The following TYR variants were observed in gnomAD, a reference collection of about 807,000 sequenced individuals.
The protein encoded by TYR is tyrosinase.
A neutral mutation model predicts 51.5 loss-of-function variants in TYR; 58 were observed. The ratio of observed to expected loss-of-function variants is 1.13; its 90% CI spans 0.91 to 1.40. The LOEUF (loss-of-function observed/expected upper bound fraction) is 1.40. TYR is among the 40% of genes most tolerant of loss of function. The pLI is 0.00. For missense variants in TYR, 732 were observed against 647.4 expected (o/e 1.13, Z -1.42); for synonymous variants, 263 against 235.2 (o/e 1.12, Z -1.08).
chr11:89,246,349 A>G (rs752029057), intron 3 of TYR, among the ~76,000 whole-genome samples: 1 of 152,184 alleles, frequency 6.6e-6, no homozygotes, highest in East Asian at 1.9e-4. Flanking sequence ...GGCAGTAATA[A>G]TACTACTTTC....
At chr11:89,239,586 C>G (rs539769513) in intron 3 of TYR, among the ~76,000 whole-genome samples, 1 of 152,006 alleles carries the variant, frequency 6.6e-6, no homozygotes, top group South Asian at 2.1e-4. Flanking sequence ...CTTCTGTTAA[C>G]TTTAGGCATA....
chr11:89,220,201 G>A (rs1313074345), intron 2 of TYR, among the ~76,000 whole-genome samples: 1 of 152,124 alleles, frequency 6.6e-6, no homozygotes. Context: ...GAAGCACAGT[G>A]CTGACATCTG....
At chr11:89,279,950 C>G (rs1428604178) in intron 3 of TYR, among the ~76,000 whole-genome samples, 1 of 151,648 alleles carries the variant, frequency 6.6e-6, no homozygotes, top group Non-Finnish European at 1.5e-5. Flanking sequence ...ATATATTTCT[C>G]TCCATTTATT....
chr11:89,186,604 T>A (rs1370016367), intron 1 of TYR, among the ~76,000 whole-genome samples: 2 of 152,106 alleles, frequency 1.3e-5, no homozygotes, highest in African/African-American at 2.4e-5. Context: ...TGGGTGTTGA[T>A]CCCATGATTT....
At chr11:89,198,457 G>A (rs764970324) in intron 2 of TYR, among the ~76,000 whole-genome samples, 12 of 151,918 alleles carry the variant, frequency 7.9e-5, no homozygotes, top group Non-Finnish European at 1.0e-4. Context: ...GCCAGACCAG[G>A]AAAACCTTTC....
At chr11:89,287,373 A>T (rs1944801716) in intron 4 of TYR, among the ~76,000 whole-genome samples, 1 of 151,874 alleles carries the variant, frequency 6.6e-6, no homozygotes, top group Admixed American at 6.6e-5. Context: ...GTATTCTATC[A>T]CACCAGGTTT....
At chr11:89,261,078 C>T (rs1234046209) in intron 3 of TYR, among the ~76,000 whole-genome samples, 2 of 152,086 alleles carry the variant, frequency 1.3e-5, no homozygotes, top group Non-Finnish European at 2.9e-5. Context: ...TTCTATGAAA[C>T]CAGCCCCTGG....
At position 89,254,949 on chromosome 11, in the gene TYR, G is replaced by A. The variant is rs183337350; in HGVS notation, c.1184+26979G>A. 3.0e-3 allele frequency among the ~76,000 whole-genome samples: 451 copies of A among 151,490 alleles called. 1 individual carries two copies. The highest frequency in any genetic ancestry group is 0.01 in the African/African-American group (420 of 41,468). ...CTTTTTCAGACTTTTTGATGTTAAA[G>A]GTTGTAAACCTTCCTCTTAGCATCA... On this transcript the variant is annotated intron_variant, in intron 3 of 4. Coordinates refer to ENST00000263321, the MANE Select transcript of TYR (RefSeq NM_000372.5).
chr11:89,238,314 G>A (rs1441100003), intron 3 of TYR, among the ~76,000 whole-genome samples: 1 of 151,940 alleles, frequency 6.6e-6, no homozygotes, highest in Non-Finnish European at 1.5e-5. Flanking sequence ...TATTTAGTAA[G>A]TACAATGTGA....
chr11:89,222,680 A>G lies in TYR; in HGVS notation c.1037-5143A>G, dbSNP rs555402407. Among the ~76,000 whole-genome samples, 117 of 152,294 alleles carry G rather than the reference A, an allele frequency of 7.7e-4. 1 individual carries two copies. The highest frequency in any genetic ancestry group is 3.4e-3 in the Middle Eastern group (1 of 294). On this transcript the variant is annotated intron_variant, in intron 2 of 4. Coordinates refer to ENST00000263321, the MANE Select transcript of TYR (RefSeq NM_000372.5). The stretch of plus-strand genomic sequence containing the variant: ...CTTGAACCCAGGAGGTGGAGGTTGC[A>G]GAAAGCTGAGATCACACCACTGCAC...
Position 89,234,475 on chromosome 11 carries a change from G to A in TYR, c.1184+6505G>A, listed in dbSNP as rs960695006. On this transcript the variant is annotated intron_variant, in intron 3 of 4. Coordinates refer to ENST00000263321, the MANE Select transcript of TYR (RefSeq NM_000372.5). ...TGCAACTTGACTAACTTTTGCACAA[G>A]AGGCCTAGCTTTCAGCCTACGTGAG... Among the ~76,000 whole-genome samples, 2 of 143,608 alleles carry A rather than the reference G, an allele frequency of 1.4e-5. 1 individual carries two copies. The highest frequency in any genetic ancestry group is 5.5e-5 in the African/African-American group (2 of 36,346). The allele number at this position is 143,608 out of a possible 152,430, so 94.2% of individuals were successfully genotyped here. A position where few individuals can be genotyped will look rare whatever the true frequency, so the allele number is the denominator to read the frequency against.
At chr11:89,189,875 C>T (rs1943419627) in intron 1 of TYR, among the ~76,000 whole-genome samples, 1 of 151,998 alleles carries the variant, frequency 6.6e-6, no homozygotes, top group Admixed American at 6.6e-5. Context: ...CAGTAGTATG[C>T]CACACAATGG....
In TYR at chr11:89,218,148, G is replaced by A. The variant is rs371824765; in HGVS notation, c.1037-9675G>A. On this transcript the variant is annotated intron_variant, in intron 2 of 4. Transcript: ENST00000263321. ...AGAGGCCTATAACATAAAAACATAA[G>A]GGTTAAATTCAAAGCCATCGTCAAT... 7.9e-5 allele frequency among the ~76,000 whole-genome samples: 12 copies of A among 151,992 alleles called. 1 individual carries two copies. The highest frequency in any genetic ancestry group is 6.6e-4 in the Admixed American group (10 of 15,244).
intron 1 of TYR, among the ~76,000 whole-genome samples, 171 bp downstream of exon 1, chr11:89,178,943 C>A (rs1369468856): frequency 1.3e-5 from 2 of 152,076 alleles, no homozygotes; most frequent in Admixed American, 6.6e-5. Context: ...TTATAGCACA[C>A]TTTAGATATT....
intron 1 of TYR, among the ~76,000 whole-genome samples, chr11:89,180,001 T>A (rs1943280096): frequency 6.6e-6 from 1 of 152,112 alleles, no homozygotes; most frequent in African/African-American, 2.4e-5. Flanking sequence ...AGTTTTGAAA[T>A]GTAGATGGCC....
rs185622695 is a variant in TYR, at chr11:89,274,483, T to C, written c.1185-10290T>C. ...TGTAGAACTAATGGCTTCTGCTCTG[T>C]GCAAGTATAATGGCCACAACTAACC... On this transcript the variant is annotated intron_variant, in intron 3 of 4. Transcript: ENST00000263321. Among the ~76,000 whole-genome samples, 68 of 151,992 alleles carry C rather than the reference T, an allele frequency of 4.5e-4. 1 individual carries two copies. In the East Asian group the frequency reaches 0.013, roughly 30 times the overall value.
At chr11:89,240,957 C>T (rs1334316620) in intron 3 of TYR, among the ~76,000 whole-genome samples, 1 of 152,060 alleles carries the variant, frequency 6.6e-6, no homozygotes. Context: ...AACTTTCTGG[C>T]GTGGATATGG....
rs372123800 is a variant in TYR, at chr11:89,178,526, A to G, written c.573A>G (p.Gly191=). 49 of 1,614,042 alleles carry G rather than the reference A, an allele frequency of 3.0e-5. No individual in the cohort carries two copies. In the African/African-American group the frequency reaches 6.1e-4, roughly 20 times the overall value. The change falls in exon 1 of 5, where the codon GGA becomes GGG. Residue 191 remains glycine (G), a synonymous_variant. Transcript: ENST00000263321. ...TGTCAATGGATGCACTGCTTGGGGG[A>G]TCTGAAATCTGGAGAGACATTGATT... ...YYVSMDALLG[G]SEIWRDIDFA...
intron 2 of TYR, among the ~76,000 whole-genome samples, chr11:89,201,184 T>G (rs1244528706): frequency 6.6e-6 from 1 of 152,134 alleles, no homozygotes; most frequent in Non-Finnish European, 1.5e-5. Flanking sequence ...TTTCTTAATT[T>G]AAATTTTTGC....
Sources: allele counts gnomAD v4.1 joint callset (sites outside exome capture counted in the v4.1 genomes callset), GRCh38; gene constraint gnomAD v4.1.1; transcripts MANE v1.5; gene names NCBI Gene and HGNC (gene_info 2026-07-23, HGNC 2026-07-21).